HDAC9: variants seen among roughly 807,000 people sequenced by gnomAD.
HDAC9 encodes the protein MEF-2 interacting transcription repressor (MITR) protein.
A neutral mutation model predicts 139.4 loss-of-function variants in HDAC9; 41 were observed. The ratio of observed to expected loss-of-function variants is 0.29; its 90% CI spans 0.23 to 0.38. The LOEUF is 0.38. HDAC9 is among the 10% of genes least tolerant of loss of function. The pLI is 1.00. For synonymous variants in HDAC9, 517 were observed against 476.2 expected (o/e 1.09, Z -1.12); for missense variants, 1,147 against 1,297.0 (o/e 0.88, Z 1.78).
At chr7:18,907,830 T>A (rs1162657179) in intron 22 of HDAC9, among the ~76,000 whole-genome samples, 2 of 152,186 alleles carry the variant, frequency 1.3e-5, no homozygotes, top group Non-Finnish European at 2.9e-5. Context: ...TGTAGCATTA[T>A]CCATATGCAG....
chr7:18,172,401 C>T (rs1331612098), intron 2 of HDAC9, among the ~76,000 whole-genome samples: 1 of 152,100 alleles, frequency 6.6e-6, no homozygotes, highest in Admixed American at 6.5e-5. Flanking sequence ...AAAAAACCAG[C>T]TCCTGGATTC....
At chr7:18,193,095 A>G (rs1170313365) in intron 2 of HDAC9, among the ~76,000 whole-genome samples, 1 of 152,112 alleles carries the variant, frequency 6.6e-6, no homozygotes, top group Non-Finnish European at 1.5e-5. Context: ...TATTTTTGTG[A>G]CCAGAAATTG....
At chr7:18,413,850 A>G (rs1788801053) in intron 1 of HDAC9, among the ~76,000 whole-genome samples, 1 of 152,126 alleles carries the variant, frequency 6.6e-6, no homozygotes, top group East Asian at 1.9e-4. Context: ...ATTAGCTAAT[A>G]ATGATTAACT....
chr7:18,791,183 G>A (rs538068670), intron 16 of HDAC9, among the ~76,000 whole-genome samples: 3 of 152,268 alleles, frequency 2.0e-5, no homozygotes, highest in African/African-American at 7.2e-5. Flanking sequence ...ATTTGCCACT[G>A]CTTTAAGAAA....
intron 1 of HDAC9, among the ~76,000 whole-genome samples, chr7:18,393,657 A>G (rs1301599750): frequency 6.6e-6 from 1 of 152,134 alleles, no homozygotes; most frequent in East Asian, 1.9e-4. Flanking sequence ...ATTTTAGAGT[A>G]TTATGGGAAC....
intron 2 of HDAC9, among the ~76,000 whole-genome samples, chr7:18,563,136 T>C (rs1024133114): frequency 6.6e-6 from 1 of 152,186 alleles, no homozygotes; most frequent in Admixed American, 6.5e-5. Flanking sequence ...ATTCCATTTA[T>C]GTGCTCCCAT....
At chr7:18,723,207 C>A (rs992239055) in intron 12 of HDAC9, among the ~76,000 whole-genome samples, 1 of 152,026 alleles carries the variant, frequency 6.6e-6, no homozygotes, top group Non-Finnish European at 1.5e-5. Flanking sequence ...ATAATAAGAT[C>A]TTAAGGATGA....
intron 23 of HDAC9, among the ~76,000 whole-genome samples, chr7:18,945,813 C>T (rs1293695445): frequency 4.0e-5 from 6 of 151,384 alleles, no homozygotes; most frequent in South Asian, 2.1e-4. Flanking sequence ...CCAAGGTGGG[C>T]GAATCACGAG....
chr7:18,824,044 GGAAGAA>G (rs1554367872), intron 17 of HDAC9, among the ~76,000 whole-genome samples: 147 of 67,180 alleles, frequency 2.2e-3, no homozygotes, highest in South Asian at 0.011. Context: ...AAGAGGAAGA[GGAAGAA>G]GAAGAAGAAG....
intron 11 of HDAC9, among the ~76,000 whole-genome samples, chr7:18,660,413 T>A (rs966110155): frequency 6.6e-6 from 1 of 152,182 alleles, no homozygotes; most frequent in African/African-American, 2.4e-5. Flanking sequence ...TTTTAGACAT[T>A]GACTTTGTTT....
chr7:18,878,187 A>T lies in HDAC9; in HGVS notation c.2803+3591A>T, dbSNP rs201252643. Among the ~76,000 whole-genome samples, 15 of 151,538 alleles carry T rather than the reference A, an allele frequency of 9.9e-5. No individual in the cohort carries two copies. In the East Asian group the frequency reaches 2.9e-3, roughly 29 times the overall value. ...CCCCTGGCTTTATAGTGTTGTTAAC[A>T]TTTTTTTTTAAAAAAAAGCTTCTTT... On this transcript the variant is annotated intron_variant, in intron 22 of 25. Transcript: ENST00000686413.
At chr7:18,613,014 A>G (rs1251239385) in intron 6 of HDAC9, among the ~76,000 whole-genome samples, 2 of 150,208 alleles carry the variant, frequency 1.3e-5, no homozygotes, top group Non-Finnish European at 3.0e-5. Context: ...AAGAAGTTGT[A>G]CATGTTTATA....
intron 8 of HDAC9, among the ~76,000 whole-genome samples, chr7:18,642,223 TC>T (rs1257289076): frequency 2.0e-5 from 3 of 151,824 alleles, no homozygotes; most frequent in African/African-American, 7.3e-5. Flanking sequence ...GACTTGAAGA[TC>T]CTGACATTTA....
chr7:18,862,497 C>A (rs1798185643), intron 21 of HDAC9, among the ~76,000 whole-genome samples: 1 of 152,104 alleles, frequency 6.6e-6, no homozygotes, highest in South Asian at 2.1e-4. Context: ...TTTCTAACCC[C>A]CTACAATTGT....
intron 2 of HDAC9, among the ~76,000 whole-genome samples, chr7:18,171,788 G>T (rs1365697086): frequency 6.6e-6 from 1 of 152,162 alleles, no homozygotes; most frequent in East Asian, 1.9e-4. Flanking sequence ...GCATCCCAGG[G>T]ATGAAGCCAA....
At position 18,982,896 on chromosome 7, in the gene HDAC9, T is replaced by G. The variant is rs954654276; in HGVS notation, c.3170+6943T>G. Among the ~76,000 whole-genome samples the G allele has an allele frequency of 2.0e-5, 3 of 152,224 alleles. No individual in the cohort carries two copies. The East Asian group carries it at 5.8e-4, about 29-fold the overall frequency. On this transcript the variant is annotated intron_variant, in intron 25 of 25. Coordinates refer to ENST00000686413, the MANE Select transcript of HDAC9 (RefSeq NM_178425.4). ...TATCCGTATACCTACGGATGGATGT[T>G]TGGCTTGCTTACACTTTGAGGGCTA...
At chr7:18,425,690 AT>A (rs1387075295) in intron 1 of HDAC9, among the ~76,000 whole-genome samples, 5 of 152,220 alleles carry the variant, frequency 3.3e-5, no homozygotes, top group African/African-American at 1.2e-4. Flanking sequence ...GAGAGTTAGC[AT>A]TGAAATACTC....
intron 2 of HDAC9, among the ~76,000 whole-genome samples, chr7:18,544,171 T>C (rs1025712527): frequency 5.9e-5 from 9 of 152,232 alleles, no homozygotes; most frequent in Admixed American, 1.3e-4. Context: ...TTGATGTTGC[T>C]GGCTTGGATC....
At chr7:18,148,169 A>C (rs902666464) in intron 1 of HDAC9, among the ~76,000 whole-genome samples, 1 of 152,234 alleles carries the variant, frequency 6.6e-6, no homozygotes, top group Non-Finnish European at 1.5e-5. Flanking sequence ...GCTGGCTTGA[A>C]ACAACAGAAA....
Sources: allele counts gnomAD v4.1 joint callset (sites outside exome capture counted in the v4.1 genomes callset), GRCh38; gene constraint gnomAD v4.1.1; transcripts MANE v1.5; gene names NCBI Gene and HGNC (gene_info 2026-07-23, HGNC 2026-07-21).